The following IGSF21 variants were observed in gnomAD, a reference collection of about 807,000 sequenced individuals.
The protein encoded by IGSF21 is immunoglobulin superfamily member 21.
In IGSF21, 28 loss-of-function variants were observed where a neutral mutation model predicts 46.8. That is an observed-to-expected ratio of 0.60 (90% CI 0.44 to 0.82). The LOEUF is 0.82. IGSF21 is among the 40% of genes least tolerant of loss of function. IGSF21 has a pLI of 0.00. For synonymous variants in IGSF21, 284 were observed against 273.6 expected (o/e 1.04, Z -0.38); for missense variants, 624 against 665.5 (o/e 0.94, Z 0.69).
intron 2 of IGSF21, among the ~76,000 whole-genome samples, chr1:18,250,003 G>T (rs1038625070): frequency 1.3e-5 from 2 of 151,792 alleles, no homozygotes; most frequent in African/African-American, 4.8e-5. Flanking sequence ...AGGCAGTTGG[G>T]GCCCCAGTGC....
At chr1:18,147,245 C>T (rs1225038269) in intron 1 of IGSF21, among the ~76,000 whole-genome samples, 1 of 152,204 alleles carries the variant, frequency 6.6e-6, no homozygotes, top group Non-Finnish European at 1.5e-5. Flanking sequence ...TCGTGCTTGA[C>T]ATCAAATCCC....
chr1:18,323,538 AGG>A (rs1438994716), intron 3 of IGSF21, among the ~76,000 whole-genome samples: 1 of 152,202 alleles, frequency 6.6e-6, no homozygotes, highest in African/African-American at 2.4e-5. Context: ...GAAATGGCCA[AGG>A]AGCTAAGGCA....
intron 3 of IGSF21, among the ~76,000 whole-genome samples, chr1:18,306,210 CCCTCTT>C (rs2085425139): frequency 6.6e-6 from 1 of 152,204 alleles, no homozygotes. Context: ...CCTACCCTCT[CCCTCTT>C]CAGCTTCCTA....
intron 9 of IGSF21, among the ~76,000 whole-genome samples, chr1:18,377,913 CT>C (rs536205741): frequency 9.2e-5 from 14 of 152,302 alleles, no homozygotes; most frequent in Non-Finnish European, 1.6e-4. Flanking sequence ...CCCCAACCTG[CT>C]CTAGCCTGAG....
chr1:18,126,594 C>A (rs898155526), intron 1 of IGSF21, among the ~76,000 whole-genome samples: 1 of 152,250 alleles, frequency 6.6e-6, no homozygotes, highest in Admixed American at 6.5e-5. Flanking sequence ...GCGGCAGTGC[C>A]CCCCTACTTG....
intron 3 of IGSF21, among the ~76,000 whole-genome samples, chr1:18,328,051 G>C (rs189820667): frequency 1.7e-4 from 26 of 152,306 alleles, no homozygotes; most frequent in African/African-American, 6.3e-4. Context: ...TTAACGTCCA[G>C]CCTCCTCCCT....
At chr1:18,228,052 C>T in intron 2 of IGSF21, 42 bp downstream of exon 2, 2 of 1,487,828 alleles carry the variant, frequency 1.3e-6, no homozygotes, top group Non-Finnish European at 1.9e-6. Flanking sequence ...ATGGCCAGGA[C>T]TGGTGTGAGG....
chr1:18,232,758 C>T (rs2084640306), intron 2 of IGSF21, among the ~76,000 whole-genome samples: 1 of 152,214 alleles, frequency 6.6e-6, no homozygotes, highest in African/African-American at 2.4e-5. Context: ...AGCAGAGTCA[C>T]CTCAGTGAAC....
At chr1:18,228,058 T>C in intron 2 of IGSF21, 48 bp downstream of exon 2, 1 of 1,433,020 alleles carries the variant, frequency 7.0e-7, no homozygotes, top group Non-Finnish European at 9.8e-7. Context: ...AGGACTGGTG[T>C]GAGGTCCTCA....
intron 2 of IGSF21, among the ~76,000 whole-genome samples, chr1:18,276,434 G>A (rs941273629): frequency 1.3e-5 from 2 of 152,154 alleles, no homozygotes; most frequent in South Asian, 4.1e-4. Flanking sequence ...CCAGAGCCCT[G>A]AATGAAAGCT....
intron 2 of IGSF21, among the ~76,000 whole-genome samples, chr1:18,239,384 C>T (rs531738466): frequency 4.5e-4 from 68 of 152,252 alleles, no homozygotes; most frequent in Middle Eastern, 3.4e-3. Context: ...GCAGTCTTCC[C>T]GTTGCAGACA....
intron 1 of IGSF21, among the ~76,000 whole-genome samples, chr1:18,174,053 C>A (rs562083779): frequency 6.6e-6 from 1 of 152,328 alleles, no homozygotes; most frequent in Admixed American, 6.5e-5. Context: ...CGCGCCTGGC[C>A]TCTTTGAATT....
chr1:18,220,114 T>C lies in IGSF21; in HGVS notation c.71-7784T>C, dbSNP rs566370983. 2.0e-4 allele frequency among the ~76,000 whole-genome samples: 31 copies of C among 152,298 alleles called. No individual in the cohort carries two copies. In the South Asian group the frequency reaches 6.2e-3, roughly 31 times the overall value. On this transcript the variant is annotated intron_variant, in intron 1 of 9. Transcript: ENST00000251296. ...TTCTTGCTCGAGGGCCTTGTTGTTA[T>C]GGTGGTTCAGTTAAGTGCCACTACC...
intron 1 of IGSF21, among the ~76,000 whole-genome samples, chr1:18,141,545 G>A (rs1035607039): frequency 6.6e-6 from 1 of 152,112 alleles, no homozygotes; most frequent in African/African-American, 2.4e-5. Context: ...GGATGCTGTG[G>A]ATCACCAGTA....
intron 3 of IGSF21, among the ~76,000 whole-genome samples, chr1:18,316,219 G>C (rs1253826627): frequency 6.6e-6 from 1 of 152,158 alleles, no homozygotes; most frequent in Admixed American, 6.5e-5. Context: ...GTGCCCCAGA[G>C]ACTTTGGGCC....
intron 2 of IGSF21, chr1:18,278,700 C>T (rs1452655432): frequency 1.0e-5 from 4 of 393,626 alleles, no homozygotes; most frequent in Non-Finnish European, 1.5e-5. Flanking sequence ...ACTACAGGCA[C>T]ATACCACCAT....
At chr1:18,344,451 G>A (rs891899812) in intron 4 of IGSF21, among the ~76,000 whole-genome samples, 3 of 152,110 alleles carry the variant, frequency 2.0e-5, no homozygotes, top group Admixed American at 2.0e-4. Flanking sequence ...GAGATCTGAG[G>A]GCTGAGGGCA....
intron 1 of IGSF21, among the ~76,000 whole-genome samples, chr1:18,170,400 G>A (rs1206945029): frequency 6.6e-6 from 1 of 151,956 alleles, no homozygotes; most frequent in Non-Finnish European, 1.5e-5. Flanking sequence ...GCTGGCTATA[G>A]GCCCCAAAGA....
At chr1:18,291,661 GT>G (rs1198322865) in intron 2 of IGSF21, among the ~76,000 whole-genome samples, 1 of 152,136 alleles carries the variant, frequency 6.6e-6, no homozygotes, top group Non-Finnish European at 1.5e-5. Flanking sequence ...ACTCCCACCC[GT>G]TGCCAGGCTG....
Sources: gnomAD v4.1 joint callset for allele counts (sites outside exome capture counted in the v4.1 genomes callset) on GRCh38, gnomAD v4.1.1 for gene constraint, MANE v1.5 for transcripts, NCBI Gene and HGNC (gene_info 2026-07-23, HGNC 2026-07-21) for gene names.